Variants in ARHGAP25 observed in about 807,000 individuals in gnomAD.
ARHGAP25 encodes Rho GTPase activating protein 25.
Under a neutral mutation model 71.0 loss-of-function variants are expected in ARHGAP25, and 34 were observed. The ratio of observed to expected loss-of-function variants is 0.48; its 90% confidence interval spans 0.36 to 0.64. The LOEUF (loss-of-function observed/expected upper bound fraction) is 0.64. ARHGAP25 is among the 30% of genes least tolerant of loss of function. The probability of loss-of-function intolerance (pLI) is 0.00; values close to 1 mark genes in which losing one functional copy is unlikely to be tolerated. For synonymous variants in ARHGAP25, 282 were observed against 296.5 expected, an observed-to-expected ratio of 0.95 and a Z score of 0.50; for missense variants, 706 against 805.1, an observed-to-expected ratio of 0.88 and a Z score of 1.49.
chr2:68,813,933 C>T (rs533951929), intron 6 of ARHGAP25, among the ~76,000 whole-genome samples: 44 of 152,302 alleles, frequency 2.9e-4, no homozygotes, highest in African/African-American at 8.4e-4. Flanking sequence ...TGAGAGTGCA[C>T]AAGTTCACTA....
At chr2:68,795,806 T>C (rs2104418449) in intron 4 of ARHGAP25, among the ~76,000 whole-genome samples, 1 of 152,336 alleles carries the variant, frequency 6.6e-6, no homozygotes, top group East Asian at 1.9e-4. Flanking sequence ...AATTTAAGAC[T>C]TTTAAATTTA....
intron 2 of ARHGAP25, among the ~76,000 whole-genome samples, chr2:68,724,585 C>G (rs938114219): frequency 6.6e-6 from 1 of 152,156 alleles, no homozygotes; most frequent in Non-Finnish European, 1.5e-5. Flanking sequence ...AGGAAAGAAG[C>G]CTTTGACATT....
At chr2:68,711,242 G>A (rs1172726402) in intron 2 of ARHGAP25, among the ~76,000 whole-genome samples, 1 of 152,176 alleles carries the variant, frequency 6.6e-6, no homozygotes, top group Non-Finnish European at 1.5e-5. Flanking sequence ...TGGTGGATGG[G>A]GGAGGAATGG....
At chr2:68,780,653 T>G (rs1436994376) in intron 2 of ARHGAP25, among the ~76,000 whole-genome samples, 2 of 152,088 alleles carry the variant, frequency 1.3e-5, no homozygotes, top group Non-Finnish European at 1.5e-5. Flanking sequence ...CTCCATTTGT[T>G]CTTTCTCCTC....
intron 9 of ARHGAP25, among the ~76,000 whole-genome samples, chr2:68,820,144 T>G (rs1243723515): frequency 1.3e-5 from 2 of 152,178 alleles, no homozygotes; most frequent in Non-Finnish European, 2.9e-5. Context: ...ACTAACACTC[T>G]AAAACTAAAA....
At chr2:68,790,512 A>G (rs1036897930) in intron 4 of ARHGAP25, among the ~76,000 whole-genome samples, 3 of 152,234 alleles carry the variant, frequency 2.0e-5, no homozygotes, top group Non-Finnish European at 2.9e-5. Flanking sequence ...CCACTTGGAA[A>G]GAATCTCTAA....
At chr2:68,810,742 T>C (rs200515748) in intron 5 of ARHGAP25, among the ~76,000 whole-genome samples, 34,169 of 147,360 alleles carry the variant, frequency 0.23, 4,514 homozygotes, top group East Asian at 0.44. Context: ...TTTTTTTTTT[T>C]TTTTTTTTTT....
chr2:68,710,950 T>A (rs1251507339), intron 2 of ARHGAP25, among the ~76,000 whole-genome samples: 1 of 152,162 alleles, frequency 6.6e-6, no homozygotes, highest in Non-Finnish European at 1.5e-5. Context: ...CCTTATATGG[T>A]TCTCAGAGTC....
chr2:68,744,827 A>G (rs1675723407), intron 1 of ARHGAP25, among the ~76,000 whole-genome samples: 1 of 152,218 alleles, frequency 6.6e-6, no homozygotes, highest in Non-Finnish European at 1.5e-5. Flanking sequence ...ATTTCTCCCC[A>G]GAAAACCCTG....
At chr2:68,783,414 A>G (rs72899828) in intron 3 of ARHGAP25, among the ~76,000 whole-genome samples, 18 of 151,708 alleles carry the variant, frequency 1.2e-4, no homozygotes, top group Non-Finnish European at 2.7e-4. Context: ...ATTTACAAAA[A>G]TTTTTAAGTT....
chr2:68,793,936 CA>C (rs1298266162), intron 4 of ARHGAP25, among the ~76,000 whole-genome samples: 1 of 151,968 alleles, frequency 6.6e-6, no homozygotes, highest in African/African-American at 2.4e-5. Context: ...GTGTCATTTA[CA>C]ATTTCTTTTG....
chr2:68,807,117 T>A, intron 4 of ARHGAP25, 156 bp from the exon 5 acceptor site: 1 of 687,942 alleles, frequency 1.5e-6, no homozygotes, highest in Non-Finnish European at 2.5e-6. Flanking sequence ...CCCCTATTTA[T>A]AGCTTCAGGA....
chr2:68,746,708 C>A (rs941112774), intron 1 of ARHGAP25, among the ~76,000 whole-genome samples: 23 of 150,896 alleles, frequency 1.5e-4, no homozygotes, highest in South Asian at 6.3e-4. Flanking sequence ...GGACCACCCC[C>A]CTCCCCATCC....
At chr2:68,766,828 G>C (rs908744672) in intron 1 of ARHGAP25, among the ~76,000 whole-genome samples, 9 of 151,396 alleles carry the variant, frequency 5.9e-5, no homozygotes, top group African/African-American at 1.2e-4. Context: ...CACACACACA[G>C]ATAATTTCTC....
At chr2:68,763,474 C>A (rs188481904) in intron 1 of ARHGAP25, among the ~76,000 whole-genome samples, 1 of 152,298 alleles carries the variant, frequency 6.6e-6, no homozygotes, top group Admixed American at 6.5e-5. Context: ...TCTTCCCTCC[C>A]CTTTTTTCGG....
intron 2 of ARHGAP25, among the ~76,000 whole-genome samples, chr2:68,716,610 G>A (rs951552476): frequency 9.2e-5 from 14 of 152,180 alleles, no homozygotes; most frequent in African/African-American, 3.4e-4. Flanking sequence ...GCCTTCATAA[G>A]TTTGTGAAAC....
chr2:68,712,036 G>A (rs890553937), intron 2 of ARHGAP25, among the ~76,000 whole-genome samples: 1 of 152,126 alleles, frequency 6.6e-6, no homozygotes, highest in Non-Finnish European at 1.5e-5. Flanking sequence ...ACCCAGTAAT[G>A]GGAATCCTGG....
At chr2:68,775,173 A>T in intron 1 of ARHGAP25, 48 bp from the exon 2 acceptor site, 2 of 1,613,922 alleles carry the variant, frequency 1.2e-6, no homozygotes, top group South Asian at 2.2e-5. Context: ...CTCTTTGCTC[A>T]CTGCCCCATG....
intron 1 of ARHGAP25, among the ~76,000 whole-genome samples, chr2:68,765,973 T>G (rs1677099611): frequency 6.6e-6 from 1 of 152,222 alleles, no homozygotes; most frequent in Admixed American, 6.5e-5. Context: ...TAGTTGCCAG[T>G]ACTTGAGCAT....
Sources: allele counts gnomAD v4.1 joint callset (sites outside exome capture counted in the v4.1 genomes callset), GRCh38; gene constraint gnomAD v4.1.1; transcripts MANE v1.5; gene names NCBI Gene and HGNC (gene_info 2026-07-23, HGNC 2026-07-21).